Variants in PXDNL observed in about 807,000 individuals in gnomAD.
PXDNL encodes probable oxidoreductase PXDNL.
In PXDNL, 145 loss-of-function variants were observed where a neutral mutation model predicts 150.8. The observed-to-expected ratio is 0.96, with a 90% CI of 0.84 to 1.10. The LOEUF (loss-of-function observed/expected upper bound fraction) is 1.10. Among genes scored for constraint, PXDNL ranks in the 50% least tolerant of loss-of-function variants. The pLI is 0.00. For missense variants in PXDNL, 2,087 were observed against 1,873.9 expected (o/e 1.11, Z -2.10); for synonymous variants, 757 against 725.7 (o/e 1.04, Z -0.69).
chr8:51,449,140 T>A (rs1809749163), intron 10 of PXDNL, 22 bp from the exon 11 acceptor site: 3 of 1,316,926 alleles, frequency 2.3e-6, no homozygotes, highest in Non-Finnish European at 2.1e-6. Flanking sequence ...GAAACATACA[T>A]CAAAATTGAA....
intron 2 of PXDNL, among the ~76,000 whole-genome samples, chr8:51,640,803 C>A (rs913593652): frequency 2.0e-5 from 3 of 151,902 alleles, no homozygotes; most frequent in Non-Finnish European, 4.4e-5. Flanking sequence ...AGATTCAATG[C>A]CATCCCCATC....
intron 1 of PXDNL, among the ~76,000 whole-genome samples, chr8:51,719,519 C>G (rs901642649): frequency 6.6e-6 from 1 of 152,130 alleles, no homozygotes; most frequent in Non-Finnish European, 1.5e-5. Context: ...GCCGCAGGGT[C>G]CCCTGCCTAG....
chr8:51,628,438 C>A (rs1173256577), intron 2 of PXDNL, among the ~76,000 whole-genome samples: 2 of 109,446 alleles, frequency 1.8e-5, no homozygotes, highest in Non-Finnish European at 3.4e-5. Context: ...CAGAGTCTCA[C>A]TCTGTCACCC....
At chr8:51,551,358 C>A (rs768588976) in intron 4 of PXDNL, among the ~76,000 whole-genome samples, 2 of 151,786 alleles carry the variant, frequency 1.3e-5, no homozygotes, top group Non-Finnish European at 2.9e-5. Flanking sequence ...CAAAAAAGAG[C>A]CCACAAAAGC....
In PXDNL at chr8:51,391,219, T is replaced by C. The variant is rs552260253; in HGVS notation, c.3558-16488A>G. On this transcript the variant is annotated intron_variant, in intron 17 of 22. Transcript: ENST00000356297. ...ATAAACATATGTGTGCGTGTGTCTT[T>C]ATAGCAGCATGATTTATAGTCCTTT... Among the ~76,000 whole-genome samples, 4 of 152,318 alleles carry C rather than the reference T, an allele frequency of 2.6e-5. No homozygotes were observed. In the East Asian group the frequency reaches 5.8e-4, roughly 22 times the overall value.
At chr8:51,446,571 TA>T (rs2129923482) in intron 12 of PXDNL, among the ~76,000 whole-genome samples, 1 of 152,282 alleles carries the variant, frequency 6.6e-6, no homozygotes, top group East Asian at 1.9e-4. Context: ...AGGATAAACC[TA>T]AGTACAGTTG....
chr8:51,570,675 T>TA (rs1465182728), intron 3 of PXDNL, among the ~76,000 whole-genome samples: 1 of 151,940 alleles, frequency 6.6e-6, no homozygotes, highest in Non-Finnish European at 1.5e-5. Context: ...TTTTATCCAC[T>TA]ATTCATGTAG....
intron 5 of PXDNL, among the ~76,000 whole-genome samples, chr8:51,498,184 G>C (rs1441534719): frequency 2.0e-5 from 3 of 149,546 alleles, no homozygotes; most frequent in Non-Finnish European, 4.4e-5. Context: ...CGCAAGGACA[G>C]AAAACGAAAC....
chr8:51,611,461 T>C (rs1813998463), intron 2 of PXDNL, among the ~76,000 whole-genome samples: 1 of 152,246 alleles, frequency 6.6e-6, no homozygotes, highest in African/African-American at 2.4e-5. Flanking sequence ...TGTTTAAATA[T>C]AGTGATTAAA....
At chr8:51,368,148 CA>C (rs1256581572) in intron 19 of PXDNL, among the ~76,000 whole-genome samples, 2 of 151,978 alleles carry the variant, frequency 1.3e-5, no homozygotes, top group Non-Finnish European at 1.5e-5. Context: ...CAAAACAAAA[CA>C]AAACAAAATG....
chr8:51,608,721 C>T (rs1237101781), intron 2 of PXDNL, among the ~76,000 whole-genome samples: 1 of 150,038 alleles, frequency 6.7e-6, no homozygotes, highest in Non-Finnish European at 1.5e-5. Context: ...CCTGTAGTCC[C>T]AGCTGCTCGG....
intron 4 of PXDNL, among the ~76,000 whole-genome samples, chr8:51,523,890 T>C (rs1811711312): frequency 6.6e-6 from 1 of 152,208 alleles, no homozygotes; most frequent in Admixed American, 6.5e-5. Context: ...CTCTGATCTT[T>C]CAGAGATGAA....
intron 3 of PXDNL, among the ~76,000 whole-genome samples, chr8:51,575,935 T>C (rs1187630884): frequency 6.6e-6 from 1 of 151,852 alleles, no homozygotes; most frequent in Non-Finnish European, 1.5e-5. Flanking sequence ...AAGAATATTT[T>C]ATAATTATTT....
chr8:51,556,517 G>A (rs1271379798), intron 4 of PXDNL, among the ~76,000 whole-genome samples: 7 of 152,054 alleles, frequency 4.6e-5, no homozygotes, highest in Non-Finnish European at 1.5e-5. Context: ...ATTGCTCTTT[G>A]CATGCAGTAC....
intron 1 of PXDNL, among the ~76,000 whole-genome samples, chr8:51,766,265 CCACT>C (rs1475906503): frequency 2.0e-5 from 3 of 152,136 alleles, no homozygotes; most frequent in Non-Finnish European, 2.9e-5. Flanking sequence ...TGTTCCCTTC[CCACT>C]CTTCTATATT....
At chr8:51,607,868 G>GGAAGGAAGGAAGGAAGGAAA (rs1813872201) in intron 2 of PXDNL, among the ~76,000 whole-genome samples, 3 of 115,152 alleles carry the variant, frequency 2.6e-5, no homozygotes, top group Admixed American at 1.8e-4. Flanking sequence ...AAGGAAGGAA[G>GGAAGGAAGGAAGGAAGGAAA]GAAGGAAGGA....
At chr8:51,785,079 A>T (rs570602793) in intron 1 of PXDNL, among the ~76,000 whole-genome samples, 1 of 152,186 alleles carries the variant, frequency 6.6e-6, no homozygotes, top group African/African-American at 2.4e-5. Context: ...TGGGCTTACC[A>T]TCAAGATCTT....
At chr8:51,468,874 A>G (rs1346896960) in intron 8 of PXDNL, among the ~76,000 whole-genome samples, 1 of 151,948 alleles carries the variant, frequency 6.6e-6, no homozygotes, top group Non-Finnish European at 1.5e-5. Flanking sequence ...AATATTGTCT[A>G]ACGTTCTACT....
chr8:51,467,098 T>C (rs1038072508), intron 8 of PXDNL, among the ~76,000 whole-genome samples: 4 of 152,132 alleles, frequency 2.6e-5, no homozygotes, highest in Non-Finnish European at 4.4e-5. Flanking sequence ...TGTATGTTAA[T>C]TACAGCACCG....
Sources: allele counts gnomAD v4.1 joint callset (sites outside exome capture counted in the v4.1 genomes callset), GRCh38; gene constraint gnomAD v4.1.1; transcripts MANE v1.5; gene names NCBI Gene and HGNC (gene_info 2026-07-23, HGNC 2026-07-21).